The following GPC5 variants were observed in gnomAD, a reference collection of about 807,000 sequenced individuals.
GPC5 encodes the protein glypican-5.
GPC5 carries 47 observed loss-of-function variants against 53.9 expected under a neutral mutation model. The observed-to-expected ratio is 0.87, with a 90% CI of 0.69 to 1.11. The LOEUF (loss-of-function observed/expected upper bound fraction) is 1.11, where lower values mean the gene tolerates loss of function less well. Ranked by LOEUF, GPC5 falls within the 50% of genes most tolerant of loss-of-function variation. The pLI is 0.00. For missense variants in GPC5, 748 were observed against 713.1 expected (o/e 1.05, Z -0.56); for synonymous variants, 286 against 263.3 (o/e 1.09, Z -0.84).
intron 1 of GPC5, among the ~76,000 whole-genome samples, chr13:91,405,638 A>C (rs2138757608): frequency 6.6e-6 from 1 of 152,230 alleles, no homozygotes; most frequent in Non-Finnish European, 1.5e-5. Flanking sequence ...TTTTGCCACT[A>C]GGTTGTGTAC....
At chr13:92,301,165 A>G (rs2043072663) in intron 7 of GPC5, among the ~76,000 whole-genome samples, 2 of 152,238 alleles carry the variant, frequency 1.3e-5, no homozygotes, top group South Asian at 4.1e-4. Flanking sequence ...GACTAAAAAT[A>G]TAGGTTCTTT....
chr13:91,437,591 A>AT, intron 1 of GPC5, among the ~76,000 whole-genome samples: 1 of 151,212 alleles, frequency 6.6e-6, no homozygotes, highest in Middle Eastern at 3.4e-3. Flanking sequence ...TGCAGGTAAC[A>AT]TTTTTTCCTT....
intron 5 of GPC5, among the ~76,000 whole-genome samples, chr13:91,890,024 A>AT (rs2039368150): frequency 6.6e-6 from 1 of 152,186 alleles, no homozygotes; most frequent in African/African-American, 2.4e-5. Flanking sequence ...CTATGTGTGC[A>AT]TTCAGGGAGG....
At position 92,396,524 on chromosome 13, in the gene GPC5, T is replaced by C. The variant is rs149020484; in HGVS notation, c.1561+251535T>C. Among the ~76,000 whole-genome samples, 49 of 152,204 alleles carry C rather than the reference T, an allele frequency of 3.2e-4. No homozygotes were observed. In the East Asian group the frequency reaches 8.9e-3, roughly 28 times the overall value. On this transcript the variant is annotated intron_variant, in intron 7 of 7. Transcript: ENST00000377067. ...GTTTTTTTTTTTCATCTTAATGACT[T>C]TTTAAAAAATTTTATTTTAAGTTCC...
intron 6 of GPC5, among the ~76,000 whole-genome samples, chr13:92,056,679 C>T (rs1478993346): frequency 6.6e-6 from 1 of 152,070 alleles, no homozygotes; most frequent in Non-Finnish European, 1.5e-5. Flanking sequence ...CAATGCCATA[C>T]AAATTAAATT....
chr13:91,829,521 A>G (rs1301363952), intron 5 of GPC5, among the ~76,000 whole-genome samples: 1 of 152,096 alleles, frequency 6.6e-6, no homozygotes, highest in African/African-American at 2.4e-5. Flanking sequence ...TTCTTAGGAA[A>G]CAATGTATAC....
At chr13:91,836,972 G>A (rs2038728754) in intron 5 of GPC5, among the ~76,000 whole-genome samples, 2 of 150,732 alleles carry the variant, frequency 1.3e-5, no homozygotes, top group African/African-American at 4.8e-5. Flanking sequence ...ATAATTTGGA[G>A]GTTTTGAATA....
chr13:92,296,538 C>A (rs1046714995), intron 7 of GPC5, among the ~76,000 whole-genome samples: 9 of 152,196 alleles, frequency 5.9e-5, no homozygotes, highest in Admixed American at 5.9e-4. Flanking sequence ...CTCAGCACCA[C>A]CCCTGCCTGG....
chr13:92,246,181 AGG>A (rs2042649369), intron 7 of GPC5, among the ~76,000 whole-genome samples: 2 of 152,158 alleles, frequency 1.3e-5, no homozygotes, highest in Non-Finnish European at 2.9e-5. Context: ...GTAGCAACAT[AGG>A]AAAGTCAAAT....
intron 7 of GPC5, among the ~76,000 whole-genome samples, chr13:92,356,843 T>A (rs1339847206): frequency 2.6e-5 from 4 of 152,226 alleles, no homozygotes; most frequent in Non-Finnish European, 5.9e-5. Context: ...TAGTTATTTG[T>A]TTGATACTCT....
chr13:92,092,196 T>A (rs999754849), intron 6 of GPC5, among the ~76,000 whole-genome samples: 3 of 152,182 alleles, frequency 2.0e-5, no homozygotes, highest in African/African-American at 7.2e-5. Context: ...TCTGCATACC[T>A]CTTATGCATA....
At chr13:91,479,589 A>G (rs965929964) in intron 2 of GPC5, among the ~76,000 whole-genome samples, 4 of 152,168 alleles carry the variant, frequency 2.6e-5, no homozygotes, top group Admixed American at 2.6e-4. Context: ...TTTTTTTGTG[A>G]ATAGCTACAT....
At chr13:91,848,936 T>C (rs1157171285) in intron 5 of GPC5, among the ~76,000 whole-genome samples, 1 of 152,216 alleles carries the variant, frequency 6.6e-6, no homozygotes, top group Non-Finnish European at 1.5e-5. Context: ...CTTAATATAA[T>C]ATAGATTGCT....
At chr13:92,810,268 A>G (rs1255615224) in intron 7 of GPC5, among the ~76,000 whole-genome samples, 2 of 151,336 alleles carry the variant, frequency 1.3e-5, no homozygotes, top group Admixed American at 6.6e-5. Context: ...GTTATTAGAA[A>G]AGAATTAGTC....
At chr13:91,678,187 C>T (rs2035426755) in intron 2 of GPC5, among the ~76,000 whole-genome samples, 2 of 152,158 alleles carry the variant, frequency 1.3e-5, no homozygotes, top group South Asian at 4.1e-4. Context: ...TCCTCTGTTT[C>T]CCGACCTGTA....
intron 6 of GPC5, among the ~76,000 whole-genome samples, chr13:92,126,582 T>C (rs1311849540): frequency 1.3e-5 from 2 of 152,180 alleles, no homozygotes; most frequent in African/African-American, 4.8e-5. Flanking sequence ...CAAAGTTTTA[T>C]TGGGACACAG....
chr13:92,591,303 C>T (rs1198795826), intron 7 of GPC5, among the ~76,000 whole-genome samples: 1 of 151,942 alleles, frequency 6.6e-6, no homozygotes, highest in East Asian at 1.9e-4. Flanking sequence ...TGATGTGTGT[C>T]GCTATTAGGG....
chr13:92,626,957 T>C (rs1056376870), intron 7 of GPC5, among the ~76,000 whole-genome samples: 2 of 152,202 alleles, frequency 1.3e-5, no homozygotes, highest in Admixed American at 6.5e-5. Flanking sequence ...TAACATATTA[T>C]GTTTTCCTCT....
At chr13:92,701,669 T>C (rs917872654) in intron 7 of GPC5, among the ~76,000 whole-genome samples, 5 of 152,124 alleles carry the variant, frequency 3.3e-5, no homozygotes, top group African/African-American at 1.2e-4. Context: ...GAAGAAGAAA[T>C]TCTCTTTAGT....
Sources: allele counts gnomAD v4.1 joint callset (sites outside exome capture counted in the v4.1 genomes callset), GRCh38; gene constraint gnomAD v4.1.1; transcripts MANE v1.5; gene names NCBI Gene and HGNC (gene_info 2026-07-23, HGNC 2026-07-21).